Variants in SHC3 observed in about 807,000 individuals in gnomAD.
SHC3 encodes the protein SHC-transforming protein 3.
In SHC3, 15 loss-of-function variants were observed where a neutral mutation model predicts 60.4. That is an observed-to-expected ratio of 0.25 (90% confidence interval 0.17 to 0.38). The LOEUF (loss-of-function observed/expected upper bound fraction) is 0.38, where lower values mean the gene tolerates loss of function less well. Among genes scored for constraint, SHC3 ranks in the 10% least tolerant of loss-of-function variants. The pLI is 1.00. For synonymous variants in SHC3, 294 were observed against 325.9 expected (o/e 0.90, Z 1.05); for missense variants, 677 against 786.1 (o/e 0.86, Z 1.66).
intron 1 of SHC3, among the ~76,000 whole-genome samples, chr9:89,149,564 T>A (rs2118212823): frequency 6.6e-6 from 1 of 152,304 alleles, no homozygotes; most frequent in East Asian, 1.9e-4. Flanking sequence ...GGATAACTGC[T>A]ACCTACCTTT....
At chr9:89,124,985 C>T (rs1189465502) in intron 1 of SHC3, among the ~76,000 whole-genome samples, 1 of 152,068 alleles carries the variant, frequency 6.6e-6, no homozygotes, top group African/African-American at 2.4e-5. Flanking sequence ...ATTCAAAGAC[C>T]TTAGAATTTA....
At chr9:89,175,326 G>A (rs1826927476) in intron 1 of SHC3, among the ~76,000 whole-genome samples, 1 of 152,200 alleles carries the variant, frequency 6.6e-6, no homozygotes, top group Non-Finnish European at 1.5e-5. Context: ...CAAACTCAAT[G>A]ATGGACCAAT....
chr9:89,102,713 G>C (rs536061522), intron 2 of SHC3, among the ~76,000 whole-genome samples: 1 of 152,224 alleles, frequency 6.6e-6, no homozygotes, highest in South Asian at 2.1e-4. Flanking sequence ...ACAATGTACA[G>C]CAAAGTCATT....
chr9:89,030,488 T>C (rs979259816), intron 11 of SHC3, among the ~76,000 whole-genome samples: 1 of 152,104 alleles, frequency 6.6e-6, no homozygotes, highest in Non-Finnish European at 1.5e-5. Context: ...ATATCAACAC[T>C]GACTCAAGAA....
At chr9:89,019,165 C>T (rs1207569700) in intron 11 of SHC3, among the ~76,000 whole-genome samples, 1 of 152,130 alleles carries the variant, frequency 6.6e-6, no homozygotes, top group Non-Finnish European at 1.5e-5. Flanking sequence ...TATTCCCTCT[C>T]ACCACTCCAT....
At chr9:89,069,530 A>T (rs971606803) in intron 5 of SHC3, among the ~76,000 whole-genome samples, 2 of 152,218 alleles carry the variant, frequency 1.3e-5, no homozygotes, top group Admixed American at 1.3e-4. Context: ...ATGGAATGGC[A>T]GATCTCAGGG....
chr9:89,040,243 C>CCAT (rs1824664934), intron 10 of SHC3, among the ~76,000 whole-genome samples: 1 of 141,396 alleles, frequency 7.1e-6, no homozygotes, highest in Non-Finnish European at 1.6e-5. Flanking sequence ...ACCACCACCA[C>CCAT]CACCATCAAA....
At chr9:89,058,273 G>A (rs1824988571) in intron 6 of SHC3, among the ~76,000 whole-genome samples, 1 of 151,728 alleles carries the variant, frequency 6.6e-6, no homozygotes, top group Non-Finnish European at 1.5e-5. Context: ...GGTGGAAGAT[G>A]GTGGTGGAGG....
chr9:89,017,603 TA>T (rs1371236958), intron 11 of SHC3, among the ~76,000 whole-genome samples: 1 of 152,108 alleles, frequency 6.6e-6, no homozygotes, highest in Non-Finnish European at 1.5e-5. Flanking sequence ...ACTTCATGAC[TA>T]AAATACAAAA....
intron 1 of SHC3, among the ~76,000 whole-genome samples, chr9:89,130,899 A>G: frequency 6.6e-6 from 1 of 152,122 alleles, no homozygotes; most frequent in Non-Finnish European, 1.5e-5. Flanking sequence ...GCAAGAAATA[A>G]CTAAGATCAG....
intron 6 of SHC3, among the ~76,000 whole-genome samples, chr9:89,054,822 A>G (rs1345628326): frequency 6.6e-6 from 1 of 152,234 alleles, no homozygotes; most frequent in Non-Finnish European, 1.5e-5. Flanking sequence ...GGAAACTCGT[A>G]CCAACAGCCT....
intron 1 of SHC3, among the ~76,000 whole-genome samples, chr9:89,113,391 G>A (rs1000819642): frequency 1.3e-5 from 2 of 152,144 alleles, no homozygotes; most frequent in African/African-American, 4.8e-5. Flanking sequence ...AGATTTAGCA[G>A]AAGGAGATCT....
chr9:89,071,363 T>C (rs915251229), intron 4 of SHC3, 111 bp from the exon 5 acceptor site: 16 of 1,022,270 alleles, frequency 1.6e-5, no homozygotes, highest in Non-Finnish European at 2.1e-5. Flanking sequence ...TCCTGAAAAT[T>C]GGTATCTATA....
chr9:89,109,594 C>A (rs994062853), intron 2 of SHC3: 1 of 985,508 alleles, frequency 1.0e-6, no homozygotes, highest in Non-Finnish European at 1.2e-6. Flanking sequence ...AGAGGGTGGA[C>A]GCAGTTGCGA....
intron 1 of SHC3, among the ~76,000 whole-genome samples, chr9:89,133,353 C>T (rs961664853): frequency 2.0e-5 from 3 of 152,110 alleles, no homozygotes; most frequent in Non-Finnish European, 4.4e-5. Context: ...GACACTGTGG[C>T]GATTCCTCAA....
chr9:89,018,966 G>A (rs1826151275), intron 11 of SHC3, among the ~76,000 whole-genome samples: 1 of 151,424 alleles, frequency 6.6e-6, no homozygotes, highest in Non-Finnish European at 1.5e-5. Context: ...GGCTGAGGCA[G>A]GAAAGTCGCT....
intron 1 of SHC3, among the ~76,000 whole-genome samples, chr9:89,165,431 G>C (rs887897587): frequency 5.3e-5 from 8 of 151,058 alleles, no homozygotes; most frequent in Non-Finnish European, 1.0e-4. Context: ...AAACATTTCA[G>C]AGAGGCTGTA....
intron 1 of SHC3, among the ~76,000 whole-genome samples, chr9:89,175,888 G>A (rs185592928): frequency 1.3e-5 from 2 of 152,280 alleles, no homozygotes; most frequent in Admixed American, 1.3e-4. Context: ...AACTCAACAT[G>A]GGCAATGCGG....
Position 89,162,964 on chromosome 9 carries a change from A to G in SHC3, c.474+15023T>C, listed in dbSNP as rs1191260163. ...GAACAGACACTTCTCAAAAGAAGACATTTATGCAGCCAAAAAACACATGAA... is the reference window on the plus strand; with the variant it reads ...GAACAGACACTTCTCAAAAGAAGACGTTTATGCAGCCAAAAAACACATGAA... On this transcript the variant is annotated intron_variant, in intron 1 of 11. Coordinates refer to ENST00000375835, the MANE Select transcript of SHC3 (RefSeq NM_016848.6). Among the ~76,000 whole-genome samples the G allele has an allele frequency of 1.4e-3, 187 of 138,320 alleles. 1 individual carries two copies. Among genetic ancestry groups the G allele is most frequent in the African/African-American group, 4.8e-3 (175 of 36,232 alleles). The allele number at this position is 138,320 out of a possible 152,430, so 90.7% of individuals were successfully genotyped here.
Sources: allele counts gnomAD v4.1 joint callset (sites outside exome capture counted in the v4.1 genomes callset), GRCh38; gene constraint gnomAD v4.1.1; transcripts MANE v1.5; gene names NCBI Gene and HGNC (gene_info 2026-07-23, HGNC 2026-07-21).